XKR6: variants seen among roughly 807,000 people sequenced by gnomAD.
XKR6 encodes the protein XK related 6, also known as XK-related protein 6.
XKR6 carries 22 observed loss-of-function variants against 56.7 expected under a neutral mutation model. The observed-to-expected ratio is 0.39, with a 90% CI of 0.28 to 0.55. The LOEUF (loss-of-function observed/expected upper bound fraction) is 0.55. Ranked by LOEUF, XKR6 falls within the 20% of genes least tolerant of loss-of-function variation. XKR6 has a pLI of 0.66. For synonymous variants in XKR6, 524 were observed against 387.8 expected, an observed-to-expected ratio of 1.35 and a Z score of -4.13; for missense variants, 852 against 889.0, an observed-to-expected ratio of 0.96 and a Z score of 0.53.
intron 1 of XKR6, among the ~76,000 whole-genome samples, chr8:10,966,616 G>A (rs1802232670): frequency 6.6e-6 from 1 of 152,208 alleles, no homozygotes; most frequent in African/African-American, 2.4e-5. Context: ...GGAGCTTGCA[G>A]TGAGCTGAGA....
intron 1 of XKR6, among the ~76,000 whole-genome samples, chr8:10,978,369 ACT>A (rs1295938544): frequency 6.6e-6 from 1 of 152,196 alleles, no homozygotes; most frequent in Non-Finnish European, 1.5e-5. Context: ...ACATTCAATA[ACT>A]CTTGTCAAGA....
intron 1 of XKR6, among the ~76,000 whole-genome samples, chr8:10,951,114 G>C (rs1403596709): frequency 6.6e-6 from 1 of 152,210 alleles, no homozygotes; most frequent in East Asian, 1.9e-4. Context: ...TTCTGGGCCA[G>C]TCCCTTGCAG....
chr8:11,080,150 A>G (rs1797665944), intron 1 of XKR6, among the ~76,000 whole-genome samples: 1 of 152,074 alleles, frequency 6.6e-6, no homozygotes, highest in Non-Finnish European at 1.5e-5. Context: ...AAGAAAAAAA[A>G]AAACACACCC....
chr8:11,188,986 A>G (rs1365549981), intron 1 of XKR6, among the ~76,000 whole-genome samples: 2 of 152,130 alleles, frequency 1.3e-5, no homozygotes, highest in African/African-American at 4.8e-5. Flanking sequence ...TCTTACCAGT[A>G]AACACCATCC....
intron 1 of XKR6, among the ~76,000 whole-genome samples, chr8:10,993,515 T>G (rs888717788): frequency 5.3e-5 from 8 of 152,220 alleles, no homozygotes; most frequent in Non-Finnish European, 1.2e-4. Context: ...CCAGGGCCTG[T>G]GTCTTCAGGG....
chr8:11,096,463 A>G (rs746962512), intron 1 of XKR6, among the ~76,000 whole-genome samples: 13 of 152,240 alleles, frequency 8.5e-5, no homozygotes, highest in Non-Finnish European at 1.6e-4. Context: ...TGCAGTGAAC[A>G]TGTATTATGT....
chr8:10,993,738 C>A (rs571617520), intron 1 of XKR6, among the ~76,000 whole-genome samples: 1 of 152,342 alleles, frequency 6.6e-6, no homozygotes, highest in African/African-American at 2.4e-5. Context: ...CTGACCCACT[C>A]ATGCCACTCC....
At chr8:11,090,406 T>G (rs62847265) in intron 1 of XKR6, among the ~76,000 whole-genome samples, 1 of 41,334 alleles carries the variant, frequency 2.4e-5, no homozygotes, top group Non-Finnish European at 5.1e-5. Flanking sequence ...TTTTTAATGG[T>G]TTTTTTTTTT....
intron 1 of XKR6, among the ~76,000 whole-genome samples, chr8:11,078,842 C>A (rs887590506): frequency 2.6e-5 from 4 of 152,208 alleles, no homozygotes; most frequent in African/African-American, 9.6e-5. Context: ...AGTGGACATA[C>A]CCTCCCATGG....
Position 10,897,811 on chromosome 8 carries a change from T to G in XKR6, c.*141A>C. 2.0e-6 allele frequency: 2 copies of G among 1,022,886 alleles called. No individual in the cohort carries two copies. Among genetic ancestry groups the G allele is most frequent in the Non-Finnish European group, 2.7e-6 (2 of 733,164 alleles). The allele number at this position is 1,022,886 out of a possible 1,614,324, so 63.4% of individuals were successfully genotyped here. ...TGACTTATTAATTCTTTTTTTTTTG[T>G]AGTGGTGGTGTTGGTGTGGCGGTGT... is the stretch of plus-strand genomic sequence containing the variant. On this transcript the variant is annotated 3_prime_UTR_variant, in exon 3 of 3. Transcript: ENST00000416569.
intron 1 of XKR6, among the ~76,000 whole-genome samples, chr8:11,036,999 C>G (rs1212641763): frequency 6.6e-6 from 1 of 152,200 alleles, no homozygotes; most frequent in African/African-American, 2.4e-5. Context: ...TGAAAGCCAG[C>G]TGAAAACGTC....
chr8:10,919,830 G>A (rs941022527), intron 2 of XKR6, among the ~76,000 whole-genome samples: 3 of 150,790 alleles, frequency 2.0e-5, no homozygotes, highest in Non-Finnish European at 4.4e-5. Context: ...AGAATTATGT[G>A]CTCCCGTCAT....
chr8:10,898,867 G>C lies in XKR6; in HGVS notation c.1011C>G (p.Ser337=). The C allele has an allele frequency of 6.2e-7, 1 of 1,613,832 alleles. No homozygotes were observed. Among genetic ancestry groups the C allele is most frequent in the Non-Finnish European group, 8.5e-7 (1 of 1,179,860 alleles). The change falls in exon 3 of 3, where the codon TCC becomes TCG. Residue 337 remains serine, a synonymous_variant. Coordinates refer to ENST00000416569, the MANE Select transcript of XKR6 (RefSeq NM_173683.4). The surrounding 1 kb of genome is among the most constrained non-coding windows in gnomAD (Gnocchi z 6.6). The part of the protein sequence containing the change: ...SLMSLAWVLA[S]YHKLLRDSRD... ...TGGAGTCCCGCAGCAGCTTGTGATA[G>C]GAGGCTAGCACCCAAGCCAGGGACA...
intron 1 of XKR6, among the ~76,000 whole-genome samples, chr8:10,986,074 C>G (rs570149460): frequency 8.5e-5 from 13 of 152,226 alleles, no homozygotes; most frequent in African/African-American, 2.9e-4. Context: ...ATAGTACTTG[C>G]ATAAAAGATG....
At chr8:11,033,790 C>G (rs1799066911) in intron 1 of XKR6, among the ~76,000 whole-genome samples, 1 of 152,176 alleles carries the variant, frequency 6.6e-6, no homozygotes, top group East Asian at 1.9e-4. Context: ...CCACTCGTAT[C>G]TTCAGATTAT....
chr8:10,962,845 A>G (rs987911283), intron 1 of XKR6, among the ~76,000 whole-genome samples: 1 of 150,688 alleles, frequency 6.6e-6, no homozygotes, highest in African/African-American at 2.4e-5. Flanking sequence ...CTGGTCTCGA[A>G]CTCCTGACCT....
At position 11,200,844 on chromosome 8, in the gene XKR6, G is replaced by T. The variant is rs752306074; in HGVS notation, c.496C>A (p.Leu166Ile). ...AGCGACGGCACCAGCACGAAGAAGA[G>T]GGTCAGCCCGAAGTAGACGTAGTCC... ...KGDYVYFGLTLFFVLVPSLLV... is the reference protein window; with the variant it reads ...KGDYVYFGLTIFFVLVPSLLV... The change falls in exon 1 of 3, where the codon CTC becomes ATC. Residue 166 changes from leucine (L) to isoleucine (I), a missense_variant. By Grantham distance (5) the Leu-to-Ile change is conservative. Coordinates refer to ENST00000416569, the MANE Select transcript of XKR6 (RefSeq NM_173683.4). This position sits in a 1 kb window ranked among gnomAD's most constrained non-coding sequence, Gnocchi z 6.4. 5.0e-6 allele frequency: 8 copies of T among 1,611,916 alleles called. No homozygotes were observed. Among genetic ancestry groups the T allele is most frequent in the Non-Finnish European group, 6.8e-6 (8 of 1,179,534 alleles).
intron 1 of XKR6, among the ~76,000 whole-genome samples, chr8:11,196,399 C>T (rs1000509276): frequency 4.1e-4 from 62 of 152,154 alleles, no homozygotes; most frequent in African/African-American, 1.4e-3. Flanking sequence ...GAGATTAATA[C>T]TTGAGCTCAA....
At chr8:10,996,882 G>A (rs765474696) in intron 1 of XKR6, among the ~76,000 whole-genome samples, 1 of 152,082 alleles carries the variant, frequency 6.6e-6, no homozygotes, top group African/African-American at 2.4e-5. Flanking sequence ...GCAGGAGGAT[G>A]GCTTTGAGCC....
Sources: allele counts gnomAD v4.1 joint callset (sites outside exome capture counted in the v4.1 genomes callset), GRCh38; gene constraint gnomAD v4.1.1; non-coding constraint Gnocchi (gnomAD v3.1); transcripts MANE v1.5; gene names NCBI Gene and HGNC (gene_info 2026-07-23, HGNC 2026-07-21).